Variants in PEMT observed in about 807,000 individuals in gnomAD.
The protein encoded by PEMT is phospholipid methyltransferase.
A neutral mutation model predicts 27.4 loss-of-function variants in PEMT; 23 were observed. That is an observed-to-expected ratio of 0.84 (90% CI 0.60 to 1.19). The LOEUF is 1.19. Among genes scored for constraint, PEMT ranks in the 50% most tolerant of loss-of-function variants. PEMT has a pLI of 0.00. For synonymous variants in PEMT, 137 were observed against 139.1 expected, an observed-to-expected ratio of 0.98 and a Z score of 0.11; for missense variants, 307 against 310.1, an observed-to-expected ratio of 0.99 and a Z score of 0.07.
intron 2 of PEMT, among the ~76,000 whole-genome samples, chr17:17,529,835 G>T (rs1330239297): frequency 2.0e-5 from 3 of 152,160 alleles, no homozygotes; most frequent in African/African-American, 7.2e-5. Flanking sequence ...TATAAAGATG[G>T]AACCCACCCC....
At chr17:17,572,206 G>A (rs921788486) in intron 2 of PEMT, among the ~76,000 whole-genome samples, 2 of 152,234 alleles carry the variant, frequency 1.3e-5, no homozygotes, top group African/African-American at 4.8e-5. Flanking sequence ...GTCCCACTGT[G>A]GTCAAGCTGC....
chr17:17,506,154 A>G (rs1278493003), intron 6 of PEMT, 73 bp downstream of exon 6: 9 of 1,278,924 alleles, frequency 7.0e-6, no homozygotes, highest in African/African-American at 1.5e-5. Flanking sequence ...CCCTGGCCAC[A>G]AGGAAAGGTT....
Position 17,513,878 on chromosome 17 carries a change from C to A in PEMT, c.321-1224G>T, listed in dbSNP as rs1186335085. On this transcript the variant is annotated intron_variant, in intron 3 of 6. Coordinates refer to ENST00000255389, the MANE Select transcript of PEMT (RefSeq NM_148172.3). The surrounding 1 kb of genome is among the most constrained non-coding windows in gnomAD (Gnocchi z 4.1). ...GCTCTTCCCATGCTCACAATAATCA[C>A]AACACAGAAGAGACATGGAGATCTG... 6.6e-6 allele frequency among the ~76,000 whole-genome samples: 1 copy of A among 152,162 alleles called. No homozygotes were observed. Among genetic ancestry groups the A allele is most frequent in the East Asian group, 1.9e-4 (1 of 5,198 alleles).
At position 17,524,610 on chromosome 17, in the gene PEMT, A is replaced by AT. The variant is rs1299175294; in HGVS notation, c.205-2216_205-2215insA. On this transcript the variant is annotated intron_variant, in intron 2 of 6. Transcript: ENST00000255389. ...GAGACCCTGTCTCTCCAAAAAAAAA[A>AT]AAAAATAATAAAAAAAATTAAGTTA... Among the ~76,000 whole-genome samples the AT allele has an allele frequency of 2.2e-3, 327 of 151,980 alleles. 2 individuals carry two copies. The highest frequency in any genetic ancestry group is 7.6e-3 in the African/African-American group (317 of 41,482).
chr17:17,551,642 G>A (rs970440447), intron 2 of PEMT, among the ~76,000 whole-genome samples: 1 of 152,208 alleles, frequency 6.6e-6, no homozygotes, highest in African/African-American at 2.4e-5. Flanking sequence ...GAGGGGCACG[G>A]GACAGGCACC....
At chr17:17,552,290 C>T (rs556887259) in intron 2 of PEMT, among the ~76,000 whole-genome samples, 5 of 151,824 alleles carry the variant, frequency 3.3e-5, no homozygotes, top group Non-Finnish European at 7.4e-5. Context: ...CCAGCCTGGG[C>T]GACAGAGGGA....
chr17:17,507,123 G>C, intron 5 of PEMT: 1 of 1,547,216 alleles, frequency 6.5e-7, no homozygotes. Context: ...TGGGTTTCCA[G>C]AAATAGCTGC....
intron 2 of PEMT, among the ~76,000 whole-genome samples, chr17:17,542,739 G>A (rs1332407663): frequency 6.6e-6 from 1 of 152,210 alleles, no homozygotes; most frequent in Non-Finnish European, 1.5e-5. Flanking sequence ...GCTCTGTGAA[G>A]TAGCCAGGAT....
intron 2 of PEMT, among the ~76,000 whole-genome samples, chr17:17,549,003 T>C (rs1909456274): frequency 6.6e-6 from 1 of 151,798 alleles, no homozygotes; most frequent in Non-Finnish European, 1.5e-5. Context: ...CCCTCTGCAG[T>C]GACAAGCAGC....
At chr17:17,524,976 T>C (rs573100106) in intron 2 of PEMT, among the ~76,000 whole-genome samples, 1 of 152,210 alleles carries the variant, frequency 6.6e-6, no homozygotes, top group East Asian at 1.9e-4. Context: ...GGAGTGGTGG[T>C]GTGCATCTGT....
At chr17:17,569,185 G>A (rs1384498642) in intron 2 of PEMT, among the ~76,000 whole-genome samples, 3 of 152,232 alleles carry the variant, frequency 2.0e-5, no homozygotes, top group Admixed American at 6.5e-5. Context: ...CAGACATAAG[G>A]CCTGCTGCCC....
rs1906609906 is a variant in PEMT at position 17,513,980 on chromosome 17, C to T, written c.321-1326G>A. ...CCAGCAGGGCCAGCTTACCATCCAC[C>T]CCACCACCCATCCTTCCTCCATCCA... On this transcript the variant is annotated intron_variant, in intron 3 of 6. Coordinates refer to ENST00000255389, the MANE Select transcript of PEMT (RefSeq NM_148172.3). The surrounding 1 kb of genome is among the most constrained non-coding windows in gnomAD (Gnocchi z 4.1). Among the ~76,000 whole-genome samples, 1 of 152,188 alleles carries T rather than the reference C, an allele frequency of 6.6e-6. No homozygotes were observed. The highest frequency in any genetic ancestry group is 1.5e-5 in the Non-Finnish European group (1 of 68,032).
chr17:17,560,707 A>G (rs1250262888), intron 2 of PEMT, among the ~76,000 whole-genome samples: 1 of 152,144 alleles, frequency 6.6e-6, no homozygotes, highest in Non-Finnish European at 1.5e-5. Flanking sequence ...AAGGAGCAGC[A>G]TGGTGACCGG....
chr17:17,581,478 G>A (rs978823874), intron 1 of PEMT, among the ~76,000 whole-genome samples: 1 of 152,230 alleles, frequency 6.6e-6, no homozygotes, highest in Non-Finnish European at 1.5e-5. Flanking sequence ...ATGGGACAAG[G>A]ATAAAAGTGA....
At chr17:17,527,968 A>AT (rs1555538719) in intron 2 of PEMT, among the ~76,000 whole-genome samples, 1 of 151,698 alleles carries the variant, frequency 6.6e-6, no homozygotes, top group East Asian at 1.9e-4. Context: ...CACAGCCAGG[A>AT]CCCCCCCACC....
At chr17:17,576,811 G>A (rs893116428) in intron 2 of PEMT, 109 bp downstream of exon 2, 2 of 828,550 alleles carry the variant, frequency 2.4e-6, no homozygotes, top group Non-Finnish European at 4.1e-6. Flanking sequence ...GAAGAGCAGA[G>A]CTGTCTGTCT....
chr17:17,586,275 AGAAAGAAAGAAAG>A lies in PEMT; in HGVS notation c.96+5243_96+5255del, dbSNP rs1348028219. Among the ~76,000 whole-genome samples the A allele has an allele frequency of 6.5e-3, 751 of 116,234 alleles. 21 individuals carry two copies. The highest frequency in any genetic ancestry group is 9.3e-3 in the Admixed American group (111 of 11,972). The allele number at this position is 116,234 out of a possible 152,430, so 76.3% of individuals were successfully genotyped here. On this transcript the variant is annotated intron_variant, in intron 1 of 6. Coordinates refer to ENST00000255389, the MANE Select transcript of PEMT (RefSeq NM_148172.3). Reference sequence around the variant, plus strand: ...AAGAAAGAAAGAAAGAAAGAAAGAAAGAAAGAAAGAAAGAAAAAAAAAAACGCAGGTGGAAAAT... The same window carrying A: ...AAGAAAGAAAGAAAGAAAGAAAGAAAAAAAAAAAAAACGCAGGTGGAAAAT...
At position 17,513,405 on chromosome 17, in the gene PEMT, T is replaced by G. The variant is rs1479602915; in HGVS notation, c.321-751A>C. Among the ~76,000 whole-genome samples, 1 of 152,134 alleles carries G rather than the reference T, an allele frequency of 6.6e-6. No individual in the cohort carries two copies. Among genetic ancestry groups the G allele is most frequent in the Non-Finnish European group, 1.5e-5 (1 of 68,028 alleles). ...TGAGGTCAGGAGTTCAAGACCAGCC[T>G]GGCCAACATGGTGAAACCCTGTCTC... On this transcript the variant is annotated intron_variant, in intron 3 of 6. Coordinates refer to ENST00000255389, the MANE Select transcript of PEMT (RefSeq NM_148172.3). This position sits in a 1 kb window ranked among gnomAD's most constrained non-coding sequence, Gnocchi z 4.1.
chr17:17,554,487 T>C (rs1909906448), intron 2 of PEMT, among the ~76,000 whole-genome samples: 2 of 152,228 alleles, frequency 1.3e-5, no homozygotes, highest in South Asian at 2.1e-4. Flanking sequence ...CTCCCTGCTC[T>C]GGCTGCTTTT....
Sources: allele counts gnomAD v4.1 joint callset (sites outside exome capture counted in the v4.1 genomes callset), GRCh38; gene constraint gnomAD v4.1.1; non-coding constraint Gnocchi (gnomAD v3.1); transcripts MANE v1.5; gene names NCBI Gene and HGNC (gene_info 2026-07-23, HGNC 2026-07-21).